Variants in GALNT13 observed in about 807,000 individuals in gnomAD.
GALNT13 encodes the protein polypeptide N-acetylgalactosaminyltransferase 13.
GALNT13 carries 28 observed loss-of-function variants against 64.2 expected under a neutral mutation model. That is an observed-to-expected ratio of 0.44 (90% CI 0.32 to 0.60). The LOEUF is 0.60. Ranked by LOEUF, GALNT13 falls within the 20% of genes least tolerant of loss-of-function variation. The pLI, the probability that GALNT13 is intolerant of heterozygous loss-of-function variation, is 0.05. For synonymous variants in GALNT13, 214 were observed against 224.6 expected (o/e 0.95, Z 0.42); for missense variants, 577 against 669.8 (o/e 0.86, Z 1.53).
In GALNT13 at chr2:153,885,217, C is replaced by T. The variant is rs535320596; in HGVS notation, c.-177+12914C>T. ...CTAGGTATAAAGCCTAAGACTGATA[C>T]AGAGCTCTTACTTGCTCTGGGTCTT... On this transcript the variant is annotated intron_variant, in intron 1 of 12. Transcript: ENST00000392825. 7.6e-4 allele frequency among the ~76,000 whole-genome samples: 115 copies of T among 152,070 alleles called. 2 individuals are homozygous for T. The East Asian group carries it at 0.02, about 27-fold the overall frequency.
the GALNT13 span, among the ~76,000 whole-genome samples, chr2:153,266,675 G>GC: frequency 1.3e-5 from 2 of 152,036 alleles, no homozygotes. Flanking sequence ...GGGGAAAACT[G>GC]CCCCCATGAT....
chr2:153,746,297 A>G, the GALNT13 span, among the ~76,000 whole-genome samples: 1 of 152,126 alleles, frequency 6.6e-6, no homozygotes, highest in East Asian at 1.9e-4. Context: ...AAAAGTTACC[A>G]CTATCCTAAT....
the GALNT13 span, among the ~76,000 whole-genome samples, chr2:153,787,196 C>T: frequency 1.3e-5 from 2 of 152,122 alleles, no homozygotes; most frequent in African/African-American, 4.8e-5. Context: ...AGAGCCCACA[C>T]TGTCAGAGCA....
At chr2:153,716,240 C>A in the GALNT13 span, among the ~76,000 whole-genome samples, 2 of 152,322 alleles carry the variant, frequency 1.3e-5, no homozygotes, top group East Asian at 3.9e-4. Flanking sequence ...CAGATCCTTG[C>A]CAGCTTGTCC....
At chr2:153,202,188 G>T in the GALNT13 span, among the ~76,000 whole-genome samples, 2 of 151,676 alleles carry the variant, frequency 1.3e-5, no homozygotes, top group African/African-American at 2.4e-5. Context: ...GTTTCACCTT[G>T]TTAGCCAGGA....
the GALNT13 span, among the ~76,000 whole-genome samples, chr2:153,727,015 A>G: frequency 6.6e-6 from 1 of 152,110 alleles, no homozygotes; most frequent in East Asian, 1.9e-4. Context: ...AGAGAGTATC[A>G]GTAAACCATT....
At chr2:153,284,688 G>A in the GALNT13 span, among the ~76,000 whole-genome samples, 1 of 152,114 alleles carries the variant, frequency 6.6e-6, no homozygotes. Context: ...ATATCCGGGG[G>A]AATCACTCAC....
intron 9 of GALNT13, among the ~76,000 whole-genome samples, chr2:154,362,358 G>A (rs757901326): frequency 6.7e-6 from 1 of 148,530 alleles, no homozygotes; most frequent in Non-Finnish European, 1.5e-5. Flanking sequence ...AAATAGAGTA[G>A]GTTTTGATTC....
chr2:154,068,440 C>A (rs12693911), intron 3 of GALNT13, among the ~76,000 whole-genome samples: 30,454 of 151,800 alleles, frequency 0.2, 3,994 homozygotes, highest in Middle Eastern at 0.32. Flanking sequence ...CTATTCACAA[C>A]AGCCAGGGAG....
intron 4 of GALNT13, among the ~76,000 whole-genome samples, chr2:154,147,907 CTTTTATT>C (rs1213212448): frequency 6.7e-6 from 1 of 148,536 alleles, no homozygotes; most frequent in African/African-American, 2.5e-5. Flanking sequence ...TGGGATTTTG[CTTTTATT>C]TTTTATTTTT....
chr2:153,698,126 G>A, the GALNT13 span, among the ~76,000 whole-genome samples: 1 of 152,128 alleles, frequency 6.6e-6, no homozygotes, highest in East Asian at 1.9e-4. Context: ...ACCCGTTCCA[G>A]CCACTGCAAA....
In GALNT13 at chr2:153,887,336, G is replaced by C. The variant is rs374647810; in HGVS notation, c.-176-13600G>C. ...CCTCTCTTGGTATCTAGTGTGACAG[G>C]TGCCTAGTAAATTTGGCCTGCTTAA... On this transcript the variant is annotated intron_variant, in intron 1 of 12. Coordinates refer to ENST00000392825, the MANE Select transcript of GALNT13 (RefSeq NM_052917.4). Among the ~76,000 whole-genome samples, 6 of 149,794 alleles carry C rather than the reference G, an allele frequency of 4.0e-5. No individual in the cohort carries two copies. In the East Asian group the frequency reaches 9.8e-4, roughly 24 times the overall value.
chr2:154,398,566 T>C (rs1299005864), intron 10 of GALNT13, among the ~76,000 whole-genome samples: 2 of 152,154 alleles, frequency 1.3e-5, no homozygotes, highest in African/African-American at 2.4e-5. Flanking sequence ...TAGGAAAAGA[T>C]TTTAAAGAGA....
the GALNT13 span, among the ~76,000 whole-genome samples, chr2:153,502,631 T>A: frequency 7.2e-5 from 11 of 152,342 alleles, no homozygotes; most frequent in East Asian, 2.1e-3. Context: ...GATCAAATGT[T>A]AGATCTACTT....
chr2:154,434,502 A>G (rs799769), intron 11 of GALNT13, among the ~76,000 whole-genome samples: 151,393 of 152,246 alleles, frequency 0.99, 75,277 homozygotes, highest in Middle Eastern at 1. Context: ...CTCGTGATCC[A>G]TGCGCCTGGG....
chr2:154,342,288 G>C (rs942876132), intron 9 of GALNT13, among the ~76,000 whole-genome samples: 2 of 152,016 alleles, frequency 1.3e-5, no homozygotes, highest in African/African-American at 4.8e-5. Context: ...GTAATTCAAA[G>C]ATACTAACAA....
chr2:153,712,441 G>A, the GALNT13 span, among the ~76,000 whole-genome samples: 66 of 152,148 alleles, frequency 4.3e-4, no homozygotes, highest in African/African-American at 1.4e-3. Context: ...GTCAGTATCA[G>A]GATAAGTTTG....
At chr2:153,261,731 C>A in the GALNT13 span, among the ~76,000 whole-genome samples, 1 of 142,700 alleles carries the variant, frequency 7.0e-6, no homozygotes, top group Non-Finnish European at 1.6e-5. Flanking sequence ...AATCAGTAGG[C>A]AGGCAATCTA....
In GALNT13 at chr2:154,029,491, C is replaced by A. The variant is rs143563932; in HGVS notation, c.142+84852C>A. Among the ~76,000 whole-genome samples, 3 of 152,204 alleles carry A rather than the reference C, an allele frequency of 2.0e-5. No homozygotes were observed. In the East Asian group the frequency reaches 5.8e-4, roughly 29 times the overall value. On this transcript the variant is annotated intron_variant, in intron 3 of 12. Transcript: ENST00000392825. ...CTAGAGGAATTTGAAGCCTGTGATG[C>A]CAGGTAACTTTGGTAACAACAAATC...
Sources: gnomAD v4.1 joint callset for allele counts (sites outside exome capture counted in the v4.1 genomes callset) on GRCh38, gnomAD v4.1.1 for gene constraint, MANE v1.5 for transcripts, NCBI Gene and HGNC (gene_info 2026-07-23, HGNC 2026-07-21) for gene names.